Variants in PCDH9 observed in about 807,000 individuals in gnomAD.
PCDH9 encodes the protein protocadherin-9.
A neutral mutation model predicts 70.6 loss-of-function variants in PCDH9; 24 were observed. The observed-to-expected ratio is 0.34, with a 90% CI of 0.25 to 0.48. PCDH9 has a LOEUF of 0.48. Ranked by LOEUF, PCDH9 falls within the 20% of genes least tolerant of loss-of-function variation. The probability of loss-of-function intolerance (pLI) is 0.99; values close to 1 mark genes in which losing one functional copy is unlikely to be tolerated. For missense variants in PCDH9, 1,281 were observed against 1,503.6 expected, an observed-to-expected ratio of 0.85 and a Z score of 2.45; for synonymous variants, 562 against 558.5, an observed-to-expected ratio of 1.01 and a Z score of -0.09.
chr13:67,113,051 A>G (rs1209489582), intron 2 of PCDH9, among the ~76,000 whole-genome samples: 1 of 152,166 alleles, frequency 6.6e-6, no homozygotes, highest in Non-Finnish European at 1.5e-5. Context: ...CTTTAGCCCA[A>G]TCTCAGTATA....
chr13:66,665,197 C>A (rs1027650907), intron 3 of PCDH9, among the ~76,000 whole-genome samples: 1 of 151,738 alleles, frequency 6.6e-6, no homozygotes, highest in African/African-American at 2.4e-5. Flanking sequence ...ACTTCCACCT[C>A]CCAGGTTCAA....
intron 4 of PCDH9, among the ~76,000 whole-genome samples, chr13:66,473,351 C>T (rs993429552): frequency 8.6e-5 from 13 of 151,208 alleles, no homozygotes; most frequent in South Asian, 2.1e-4. Context: ...AATACAAATA[C>T]GAATTATAAG....
intron 4 of PCDH9, among the ~76,000 whole-genome samples, chr13:66,503,896 A>C (rs2138566810): frequency 6.6e-6 from 1 of 152,286 alleles, no homozygotes; most frequent in South Asian, 2.1e-4. Flanking sequence ...TCAGCAAAAA[A>C]CTATTAAGTC....
At chr13:66,331,291 T>C (rs1347647334) in intron 4 of PCDH9, among the ~76,000 whole-genome samples, 1 of 152,182 alleles carries the variant, frequency 6.6e-6, no homozygotes, top group Non-Finnish European at 1.5e-5. Flanking sequence ...TGTCTCATTG[T>C]TACTGGGAAA....
intron 4 of PCDH9, among the ~76,000 whole-genome samples, chr13:66,603,326 G>T (rs1593762172): frequency 6.6e-6 from 1 of 151,788 alleles, no homozygotes; most frequent in African/African-American, 2.4e-5. Flanking sequence ...CCACCAAAAA[G>T]GTTTTAACAT....
At chr13:66,645,796 GTT>G (rs1459259315) in intron 3 of PCDH9, among the ~76,000 whole-genome samples, 1 of 152,122 alleles carries the variant, frequency 6.6e-6, no homozygotes, top group Non-Finnish European at 1.5e-5. Context: ...CATTCATAAT[GTT>G]TATAAAGTAG....
intron 3 of PCDH9, among the ~76,000 whole-genome samples, chr13:66,646,110 C>A (rs1196007385): frequency 6.6e-6 from 1 of 152,164 alleles, no homozygotes; most frequent in Non-Finnish European, 1.5e-5. Context: ...ATAAAACTAA[C>A]AAGAAAGATT....
chr13:67,093,706 T>A lies in PCDH9; in HGVS notation c.3036+131699A>T, dbSNP rs1594502365. Reference sequence around the variant, plus strand: ...AATACCTGCCTGCAAAGTGGCTACATAGTTACAGACAGTGGGGCCCATGAC... The same window carrying A: ...AATACCTGCCTGCAAAGTGGCTACAAAGTTACAGACAGTGGGGCCCATGAC... On this transcript the variant is annotated intron_variant, in intron 2 of 4. Transcript: ENST00000377865. Among the ~76,000 whole-genome samples the A allele has an allele frequency of 5.9e-5, 9 of 152,176 alleles. No individual in the cohort carries two copies. In the South Asian group the frequency reaches 1.9e-3, roughly 31 times the overall value.
At chr13:66,348,471 C>G (rs940353153) in intron 4 of PCDH9, among the ~76,000 whole-genome samples, 1 of 151,674 alleles carries the variant, frequency 6.6e-6, no homozygotes, top group Non-Finnish European at 1.5e-5. Flanking sequence ...GATCTCAGCT[C>G]ACTGCAACTT....
chr13:67,204,270 T>C (rs1327106266), intron 2 of PCDH9: 1 of 152,148 alleles, frequency 6.6e-6, no homozygotes, highest in Non-Finnish European at 1.5e-5. Flanking sequence ...AAATGATGTA[T>C]ATATTTGATG....
chr13:66,639,362 C>T (rs2077680234), intron 3 of PCDH9, among the ~76,000 whole-genome samples: 1 of 152,114 alleles, frequency 6.6e-6, no homozygotes, highest in African/African-American at 2.4e-5. Context: ...AAATGAGTTC[C>T]TCAAACTAAG....
chr13:66,642,724 T>C (rs2077724682), intron 3 of PCDH9, among the ~76,000 whole-genome samples: 1 of 151,916 alleles, frequency 6.6e-6, no homozygotes, highest in Non-Finnish European at 1.5e-5. Context: ...AAAGTAAAAA[T>C]GGCACATTTT....
chr13:66,847,758 C>T (rs955591280), intron 3 of PCDH9, among the ~76,000 whole-genome samples: 9 of 152,154 alleles, frequency 5.9e-5, no homozygotes, highest in African/African-American at 2.2e-4. Context: ...CAATCTTCTA[C>T]TAAGTGACTA....
chr13:66,408,099 C>G (rs1957310743), intron 4 of PCDH9, among the ~76,000 whole-genome samples: 1 of 145,084 alleles, frequency 6.9e-6, no homozygotes, highest in Non-Finnish European at 1.5e-5. Context: ...TCGCCCAGGC[C>G]GGACTGCGGA....
intron 2 of PCDH9, among the ~76,000 whole-genome samples, chr13:66,905,533 G>C (rs868610116): frequency 6.6e-6 from 1 of 151,902 alleles, no homozygotes. Flanking sequence ...AGAATCCTTG[G>C]GTTAAGGTTA....
At chr13:67,110,069 G>A (rs1329671714) in intron 2 of PCDH9, among the ~76,000 whole-genome samples, 1 of 152,066 alleles carries the variant, frequency 6.6e-6, no homozygotes, top group Non-Finnish European at 1.5e-5. Context: ...ACATGCAAAT[G>A]GAAGAATTTA....
chr13:66,859,476 T>TA (rs375749385), intron 3 of PCDH9, among the ~76,000 whole-genome samples: 1 of 152,276 alleles, frequency 6.6e-6, no homozygotes, highest in African/African-American at 2.4e-5. Context: ...CAAAATCTTA[T>TA]AAAAACTATC....
chr13:66,557,664 CAAAG>C (rs919924576), intron 4 of PCDH9, among the ~76,000 whole-genome samples: 2 of 152,066 alleles, frequency 1.3e-5, no homozygotes, highest in Non-Finnish European at 2.9e-5. Flanking sequence ...AGGGAAAACT[CAAAG>C]GAAGATAAAC....
At chr13:67,054,081 G>A (rs1195440479) in intron 2 of PCDH9, among the ~76,000 whole-genome samples, 1 of 152,044 alleles carries the variant, frequency 6.6e-6, no homozygotes, top group Non-Finnish European at 1.5e-5. Context: ...ACAACCCAAT[G>A]TAACAGACTG....
Sources: gnomAD v4.1 joint callset for allele counts (sites outside exome capture counted in the v4.1 genomes callset) on GRCh38, gnomAD v4.1.1 for gene constraint, MANE v1.5 for transcripts, NCBI Gene and HGNC (gene_info 2026-07-23, HGNC 2026-07-21) for gene names.